Variants in KALRN observed in about 807,000 individuals in gnomAD.
KALRN encodes the protein kalirin.
In KALRN, 70 loss-of-function variants were observed where a neutral mutation model predicts 353.7. The observed-to-expected ratio is 0.20, with a 90% CI of 0.16 to 0.24. KALRN has a LOEUF of 0.24. KALRN is among the 10% of genes least tolerant of loss of function. The pLI, the probability that KALRN is intolerant of heterozygous loss-of-function variation, is 1.00. For missense variants in KALRN, 2,791 were observed against 3,756.7 expected, an observed-to-expected ratio of 0.74 and a Z score of 6.72; for synonymous variants, 1,391 against 1,434.8, an observed-to-expected ratio of 0.97 and a Z score of 0.69.
intron 55 of KALRN, 133 bp from the exon 56 acceptor site, chr3:124,699,736 A>G: frequency 1.2e-6 from 1 of 820,856 alleles, no homozygotes; most frequent in Non-Finnish European, 1.9e-6. Context: ...ACAGGCTTTC[A>G]GAGCCTGACA....
chr3:124,119,229 G>A (rs963137845), intron 1 of KALRN, among the ~76,000 whole-genome samples: 6 of 152,166 alleles, frequency 3.9e-5, no homozygotes, highest in Admixed American at 1.3e-4. Flanking sequence ...TTGCACAGAT[G>A]TGGTGCAGGC....
chr3:124,449,532 A>G (rs986150872), intron 21 of KALRN, among the ~76,000 whole-genome samples: 4 of 152,186 alleles, frequency 2.6e-5, no homozygotes, highest in African/African-American at 9.6e-5. Context: ...AAAGAACTCC[A>G]TTTCTTCTAA....
chr3:124,423,886 A>G (rs1045157748), intron 15 of KALRN, among the ~76,000 whole-genome samples: 5 of 152,220 alleles, frequency 3.3e-5, no homozygotes, highest in African/African-American at 1.2e-4. Flanking sequence ...AATAAAAATT[A>G]CAAAAAATAC....
intron 9 of KALRN, among the ~76,000 whole-genome samples, chr3:124,345,583 G>A (rs2082178962): frequency 6.6e-6 from 1 of 152,164 alleles, no homozygotes; most frequent in African/African-American, 2.4e-5. Flanking sequence ...CTTAAAATAT[G>A]TATATTGCCA....
At chr3:124,555,219 T>C (rs2071067007) in intron 33 of KALRN, among the ~76,000 whole-genome samples, 1 of 151,522 alleles carries the variant, frequency 6.6e-6, no homozygotes, top group East Asian at 1.9e-4. Flanking sequence ...TTGCATCTGC[T>C]TTCTATCATT....
chr3:124,342,504 G>A (rs1200845202), intron 9 of KALRN, among the ~76,000 whole-genome samples: 1 of 152,020 alleles, frequency 6.6e-6, no homozygotes, highest in Non-Finnish European at 1.5e-5. Context: ...TCTTTTTTAT[G>A]GCTGAATAGT....
intron 16 of KALRN, among the ~76,000 whole-genome samples, chr3:124,432,221 C>T (rs2093303973): frequency 1.3e-5 from 2 of 151,828 alleles, no homozygotes; most frequent in South Asian, 2.1e-4. Flanking sequence ...ACCAGCCTGG[C>T]CAAATGGTGA....
intron 33 of KALRN, among the ~76,000 whole-genome samples, chr3:124,554,264 G>A (rs1186456462): frequency 6.6e-6 from 1 of 152,228 alleles, no homozygotes; most frequent in African/African-American, 2.4e-5. Context: ...GCAGAGGCAG[G>A]AGAATCACTT....
intron 23 of KALRN, among the ~76,000 whole-genome samples, chr3:124,457,046 T>G (rs1217130110): frequency 6.7e-6 from 1 of 149,100 alleles, no homozygotes; most frequent in Non-Finnish European, 1.5e-5. Context: ...CCTCCAAATT[T>G]TATTCTGCCT....
At chr3:124,642,806 G>GTTTTTTTTTTTTTT (rs71145471) in intron 37 of KALRN, among the ~76,000 whole-genome samples, 1 of 96,840 alleles carries the variant, frequency 1.0e-5, no homozygotes, top group Non-Finnish European at 1.9e-5. Flanking sequence ...CCCAAGCCTC[G>GTTTTTTTTTTTTTT]TTTTTTTTTT....
chr3:124,181,076 C>CAAAAAACAAAAAA, intron 1 of KALRN, among the ~76,000 whole-genome samples: 1 of 55,260 alleles, frequency 1.8e-5, no homozygotes, highest in Admixed American at 2.7e-4. Flanking sequence ...ACTAAAAATA[C>CAAAAAACAAAAAA]AAAAAAAAAA....
intron 33 of KALRN, among the ~76,000 whole-genome samples, chr3:124,560,046 G>A (rs776325553): frequency 1.7e-4 from 26 of 152,214 alleles, no homozygotes; most frequent in Admixed American, 3.9e-4. Context: ...GGCGTATCTA[G>A]GCTTCTCGCC....
intron 9 of KALRN, among the ~76,000 whole-genome samples, chr3:124,339,762 G>A (rs770133551): frequency 5.3e-5 from 8 of 152,146 alleles, no homozygotes; most frequent in Non-Finnish European, 1.2e-4. Flanking sequence ...TAAATGTAGG[G>A]GGCTGAGGGC....
chr3:124,624,005 A>G (rs2079631798), intron 34 of KALRN, among the ~76,000 whole-genome samples: 1 of 152,208 alleles, frequency 6.6e-6, no homozygotes, highest in Non-Finnish European at 1.5e-5. Flanking sequence ...AGTTTCAGTT[A>G]CCCACAGTCA....
chr3:124,413,338 G>C, intron 13 of KALRN, 132 bp from the exon 14 acceptor site: 1 of 717,114 alleles, frequency 1.4e-6, no homozygotes, highest in Non-Finnish European at 2.3e-6. Flanking sequence ...ATAGTCTAAG[G>C]GTTGAAGAAT....
At chr3:124,151,951 G>T (rs2068167641) in intron 1 of KALRN, 3 of 1,083,240 alleles carry the variant, frequency 2.8e-6, no homozygotes, top group Non-Finnish European at 2.8e-6. Context: ...AATAATCATG[G>T]TAGACACCTT....
intron 28 of KALRN, among the ~76,000 whole-genome samples, chr3:124,483,972 AG>A (rs1461257221): frequency 6.6e-6 from 1 of 152,238 alleles, no homozygotes; most frequent in Admixed American, 6.5e-5. Flanking sequence ...CCTAAAGTTT[AG>A]GGGTAGAGTT....
chr3:124,239,188 C>T (rs1209710142), intron 3 of KALRN, among the ~76,000 whole-genome samples: 1 of 152,136 alleles, frequency 6.6e-6, no homozygotes, highest in Non-Finnish European at 1.5e-5. Flanking sequence ...ATGAATGTCC[C>T]TAGAAATTGA....
chr3:124,683,917 T>C (rs899871335), intron 51 of KALRN, among the ~76,000 whole-genome samples: 17 of 152,206 alleles, frequency 1.1e-4, no homozygotes, highest in African/African-American at 3.1e-4. Context: ...CTGGGAAACA[T>C]TTAGTTAACC....
Sources: gnomAD v4.1 joint callset for allele counts (sites outside exome capture counted in the v4.1 genomes callset) on GRCh38, gnomAD v4.1.1 for gene constraint, MANE v1.5 for transcripts, NCBI Gene and HGNC (gene_info 2026-07-23, HGNC 2026-07-21) for gene names.